CNBD1: variants seen among roughly 807,000 people sequenced by gnomAD.
CNBD1 encodes the protein cyclic nucleotide-binding domain-containing protein 1.
Under a neutral mutation model 54.4 loss-of-function variants are expected in CNBD1, and 71 were observed. The observed-to-expected ratio is 1.30, with a 90% CI of 1.08 to 1.59. CNBD1 has a LOEUF of 1.59. Among genes scored for constraint, CNBD1 ranks in the 40% most tolerant of loss-of-function variants. The pLI, the probability that CNBD1 is intolerant of heterozygous loss-of-function variation, is 0.00. For missense variants in CNBD1, 659 were observed against 518.0 expected (o/e 1.27, Z -2.64); for synonymous variants, 182 against 170.7 (o/e 1.07, Z -0.51).
chr8:87,421,603 A>T (rs1314113078), intron 2 of CNBD1, among the ~76,000 whole-genome samples: 8 of 151,966 alleles, frequency 5.3e-5, no homozygotes, highest in South Asian at 2.1e-4. Flanking sequence ...AAGGACATGA[A>T]CTCATCATTT....
chr8:87,379,765 T>G (rs1281119765), intron 10 of CNBD1, among the ~76,000 whole-genome samples: 1 of 151,908 alleles, frequency 6.6e-6, no homozygotes, highest in African/African-American at 2.4e-5. Flanking sequence ...ATCTGATTGT[T>G]TTATATATAA....
In CNBD1 at chr8:87,163,733, A is replaced by T. The variant is rs1812905377; in HGVS notation, c.432-42260A>T. On this transcript the variant is annotated intron_variant, in intron 4 of 10. Coordinates refer to ENST00000518476, the MANE Select transcript of CNBD1 (RefSeq NM_173538.3). The surrounding 1 kb of genome is among the most constrained non-coding windows in gnomAD (Gnocchi z 4.5). The stretch of plus-strand genomic sequence containing the variant: ...TGTTGGCGTCTTTAGGGTTTTTTTT[A>T]AATATAAGATTATGTCATCTGCAAA... Among the ~76,000 whole-genome samples the T allele has an allele frequency of 6.6e-6, 1 of 151,618 alleles. No individual in the cohort carries two copies. Among genetic ancestry groups the T allele is most frequent in the African/African-American group, 2.4e-5 (1 of 41,350 alleles).
At chr8:86,896,649 A>T (rs1332077179) in intron 2 of CNBD1, among the ~76,000 whole-genome samples, 1 of 152,026 alleles carries the variant, frequency 6.6e-6, no homozygotes, top group Non-Finnish European at 1.5e-5. Flanking sequence ...TTGACTTTGT[A>T]TCCTGTAAAT....
At chr8:87,385,419 T>A (rs190310291), downstream of CNBD1, among the ~76,000 whole-genome samples, 31 of 152,040 alleles carry the variant, frequency 2.0e-4, no homozygotes, top group East Asian at 5.8e-3. Flanking sequence ...ACTGCCACCC[T>A]AATACTGCGC....
rs138823114 is a variant in CNBD1 at position 86,876,854 on chromosome 8, T to C, written c.88+10271T>C. Among the ~76,000 whole-genome samples the C allele has an allele frequency of 9.1e-3, 1,381 of 152,114 alleles. 17 individuals carry two copies. The highest frequency in any genetic ancestry group is 0.038 in the Middle Eastern group (11 of 292). On this transcript the variant is annotated intron_variant, in intron 1 of 10. Transcript: ENST00000518476. ...CCTTAGTGATTCATTTCCTATTTGA[T>C]TTTTGTTTGACAACAAAGGGAAGTT...
intron 8 of CNBD1, among the ~76,000 whole-genome samples, chr8:87,350,707 G>T (rs981073861): frequency 6.6e-6 from 1 of 151,980 alleles, no homozygotes; most frequent in African/African-American, 2.4e-5. Flanking sequence ...TTGTATATGT[G>T]TCTTTATATT....
chr8:86,996,058 C>T (rs971043120), intron 4 of CNBD1, among the ~76,000 whole-genome samples: 1 of 152,178 alleles, frequency 6.6e-6, no homozygotes, highest in African/African-American at 2.4e-5. Flanking sequence ...GAGAAAGCCC[C>T]TCCCTAAGAC....
At chr8:87,312,123 A>T (rs1314736204) in intron 8 of CNBD1, among the ~76,000 whole-genome samples, 1 of 151,988 alleles carries the variant, frequency 6.6e-6, no homozygotes, top group Non-Finnish European at 1.5e-5. Context: ...GAAAAAGAAA[A>T]TCTCTAATTT....
chr8:87,394,684 TAGAG>T (rs954769143), intron 2 of CNBD1, among the ~76,000 whole-genome samples: 3 of 151,958 alleles, frequency 2.0e-5, no homozygotes, highest in African/African-American at 4.8e-5. Flanking sequence ...TTTTTCTAGT[TAGAG>T]AGCACCTATC....
rs373105759 is a variant in CNBD1 at position 87,220,697 on chromosome 8, T to C, written c.577+14559T>C. Among the ~76,000 whole-genome samples the C allele has an allele frequency of 5.3e-5, 8 of 152,128 alleles. No homozygotes were observed. The East Asian group carries it at 9.7e-4, about 18-fold the overall frequency. On this transcript the variant is annotated intron_variant, in intron 5 of 10. Transcript: ENST00000518476. The stretch of plus-strand genomic sequence containing the variant: ...GCATATTTTTGTCATACAGATATGT[T>C]ATACTTGATCAATCTTTTTAAAAAG...
chr8:86,986,483 G>C (rs1299287352), intron 4 of CNBD1, among the ~76,000 whole-genome samples: 1 of 151,978 alleles, frequency 6.6e-6, no homozygotes, highest in East Asian at 1.9e-4. Context: ...TCTTTTAGTA[G>C]TTTCTTACGC....
chr8:87,344,322 T>C (rs867949832), intron 8 of CNBD1, among the ~76,000 whole-genome samples: 1 of 152,020 alleles, frequency 6.6e-6, no homozygotes, highest in South Asian at 2.1e-4. Flanking sequence ...AAAAATACTA[T>C]TACAAAAGAG....
At chr8:87,170,273 C>A (rs1428843467) in intron 4 of CNBD1, among the ~76,000 whole-genome samples, 2 of 152,022 alleles carry the variant, frequency 1.3e-5, no homozygotes, top group African/African-American at 4.8e-5. Context: ...TGCAACTTTA[C>A]TAAATTTGTT....
At chr8:87,040,703 C>T (rs542222305) in intron 4 of CNBD1, among the ~76,000 whole-genome samples, 2 of 151,668 alleles carry the variant, frequency 1.3e-5, no homozygotes, top group East Asian at 1.9e-4. Flanking sequence ...GGATGACAGG[C>T]GTGAGCCACT....
chr8:87,307,231 G>A (rs1295473547), intron 8 of CNBD1, among the ~76,000 whole-genome samples: 1 of 152,246 alleles, frequency 6.6e-6, no homozygotes, highest in Non-Finnish European at 1.5e-5. Flanking sequence ...AACGAAAATT[G>A]TATAAACAGA....
At chr8:87,410,461 T>G (rs1807723505) in intron 2 of CNBD1, among the ~76,000 whole-genome samples, 1 of 152,118 alleles carries the variant, frequency 6.6e-6, no homozygotes, top group Non-Finnish European at 1.5e-5. Context: ...GTAACTAAAT[T>G]GCTGCAATTT....
intron 4 of CNBD1, among the ~76,000 whole-genome samples, chr8:87,015,839 G>T (rs997814635): frequency 6.6e-6 from 1 of 151,920 alleles, no homozygotes; most frequent in African/African-American, 2.4e-5. Flanking sequence ...AAATTAGACT[G>T]GTGTGGTGGT....
At chr8:87,285,352 A>C (rs114743202) in intron 7 of CNBD1, among the ~76,000 whole-genome samples, 16 of 152,322 alleles carry the variant, frequency 1.1e-4, no homozygotes, top group African/African-American at 3.4e-4. Context: ...CATTTACTTA[A>C]AGTTTAATAA....
chr8:87,122,686 T>C (rs780394486), intron 4 of CNBD1, among the ~76,000 whole-genome samples: 5 of 151,830 alleles, frequency 3.3e-5, no homozygotes, highest in African/African-American at 9.7e-5. Context: ...AGTTTTACAA[T>C]TTCAGGACCT....
Sources: gnomAD v4.1 joint callset for allele counts (sites outside exome capture counted in the v4.1 genomes callset) on GRCh38, gnomAD v4.1.1 for gene constraint, Gnocchi (gnomAD v3.1) non-coding constraint, MANE v1.5 for transcripts, NCBI Gene and HGNC (gene_info 2026-07-23, HGNC 2026-07-21) for gene names.